The following SUN2 variants were observed in gnomAD, a reference collection of about 807,000 sequenced individuals.
SUN2 encodes the protein Sad1 and UNC84 domain containing 2.
A neutral mutation model predicts 100.0 loss-of-function variants in SUN2; 60 were observed. That is an observed-to-expected ratio of 0.60 (90% CI 0.49 to 0.74). SUN2 has a LOEUF of 0.74. Among genes scored for constraint, SUN2 ranks in the 30% least tolerant of loss-of-function variants. The pLI is 0.00. For synonymous variants in SUN2, 367 were observed against 403.3 expected (o/e 0.91, Z 1.08); for missense variants, 834 against 954.6 (o/e 0.87, Z 1.66).
rs552264787 is a variant in SUN2, at chr22:38,737,392, G to A, written c.2040+781C>T. Among the ~76,000 whole-genome samples the A allele has an allele frequency of 6.6e-6, 1 of 151,860 alleles. No homozygotes were observed. Among genetic ancestry groups the A allele is most frequent in the African/African-American group, 2.4e-5 (1 of 41,388 alleles). The stretch of plus-strand genomic sequence containing the variant: ...CTACGTCTTTGTCCTCACTCCCAAC[G>A]CCCCTCTCCCCCACCTATCCTGTTC... On this transcript the variant is annotated intron_variant, in intron 17 of 17. Transcript: ENST00000689035. The surrounding 1 kb of genome is among the most constrained non-coding windows in gnomAD (Gnocchi z 4.1).
At chr22:38,741,808 A>G (rs1166996015) in intron 9 of SUN2, among the ~76,000 whole-genome samples, 4 of 152,182 alleles carry the variant, frequency 2.6e-5, no homozygotes, top group Non-Finnish European at 5.9e-5. Context: ...TGGGGGAGAC[A>G]CGATGGCCTC....
rs1465967217 is a variant in SUN2 at position 38,736,089 on chromosome 22, A to C, written c.*178T>G. 1 of 685,226 alleles carries C rather than the reference A, an allele frequency of 1.5e-6. No individual in the cohort carries two copies. Among genetic ancestry groups the C allele is most frequent in the Non-Finnish European group, 2.7e-6 (1 of 372,338 alleles). 42.4% of individuals were successfully genotyped at this position (685,226 alleles called of 1,614,324 possible). A position where few individuals can be genotyped will look rare whatever the true frequency, so the allele number is the denominator to read the frequency against. ...AAGAAGGGAGCTGCTGGAGCCTGCT[A>C]ACCGCCTCGAGCCACCTGCTGCTCA... On this transcript the variant is annotated 3_prime_UTR_variant, in exon 18 of 18. Transcript: ENST00000689035.
intron 6 of SUN2, among the ~76,000 whole-genome samples, chr22:38,749,565 C>T (rs1316712946): frequency 6.6e-6 from 1 of 152,128 alleles, no homozygotes; most frequent in Non-Finnish European, 1.5e-5. Context: ...GCTATCAATT[C>T]GGGGAGAAGA....
Position 38,735,330 on chromosome 22 carries a change from G to A in SUN2, c.*937C>T. The A allele has an allele frequency of 2.3e-6, 1 of 435,988 alleles. No homozygotes were observed. The highest frequency in any genetic ancestry group is 1.6e-5 in the South Asian group (1 of 62,240). The allele number at this position is 435,988 out of a possible 1,614,324, so 27.0% of individuals were successfully genotyped here. ...GGCCTGGTTAGATGTGGGGGCCGGTGCAGACAGACCTCGCACCCCGATACC... is the reference window on the plus strand; with the variant it reads ...GGCCTGGTTAGATGTGGGGGCCGGTACAGACAGACCTCGCACCCCGATACC... On this transcript the variant is annotated 3_prime_UTR_variant, in exon 18 of 18. Transcript: ENST00000689035.
At chr22:38,743,341 C>T (rs2092875607) in intron 8 of SUN2, among the ~76,000 whole-genome samples, 1 of 152,226 alleles carries the variant, frequency 6.6e-6, no homozygotes, top group Non-Finnish European at 1.5e-5. Flanking sequence ...AATCCCAACA[C>T]TTTGGGAGGC....
Position 38,740,433 on chromosome 22 carries a change from CTGG to C in SUN2, c.1191-4_1191-2del. On this transcript the variant is annotated splice_acceptor_variant and splice_polypyrimidine_tract_variant and intron_variant, in intron 11 of 17. Coordinates refer to ENST00000689035, the MANE Select transcript of SUN2 (RefSeq NM_015374.3). LOFTEE classifies it high-confidence loss of function. The surrounding 1 kb of genome is among the most constrained non-coding windows in gnomAD (Gnocchi z 4.8). ...CTCCTGGAAGGACTCCTGGGTCATG[CTGG>C]TCCCAGAGAGAGAAGAGTAAGCCTC... is the stretch of plus-strand genomic sequence containing the variant. 6.6e-7 allele frequency: 1 copy of C among 1,504,828 alleles called. No homozygotes were observed. The allele number at this position is 1,504,828 out of a possible 1,614,324, so 93.2% of individuals were successfully genotyped here. A position where few individuals can be genotyped will look rare whatever the true frequency, so the allele number is the denominator to read the frequency against.
intron 8 of SUN2, chr22:38,745,190 A>G (rs764371019): frequency 2.1e-6 from 1 of 471,120 alleles, no homozygotes. Flanking sequence ...CCGGGTGAGC[A>G]AAGTGCACAT....
chr22:38,740,060 G>A lies in SUN2; in HGVS notation c.1357-117C>T, dbSNP rs563523746. 2.6e-5 allele frequency: 34 copies of A among 1,308,264 alleles called. No individual in the cohort carries two copies. Among genetic ancestry groups the A allele is most frequent in the African/African-American group, 1.3e-4 (9 of 68,114 alleles). 81.0% of individuals were successfully genotyped at this position (1,308,264 alleles called of 1,614,324 possible). A position where few individuals can be genotyped will look rare whatever the true frequency, so the allele number is the denominator to read the frequency against. On this transcript the variant is annotated intron_variant, in intron 12 of 17. Transcript: ENST00000689035. This position sits in a 1 kb window ranked among gnomAD's most constrained non-coding sequence, Gnocchi z 4.8. ...ATAGGGTAGGAGGGAGGCCACTGGAGGAAAGAGTTATGAACACTCCATGGG... is the reference window on the plus strand; with the variant it reads ...ATAGGGTAGGAGGGAGGCCACTGGAAGAAAGAGTTATGAACACTCCATGGG...
rs115054215 is a variant in SUN2 at position 38,746,338 on chromosome 22, C to G, written c.686-527G>C. On this transcript the variant is annotated intron_variant, in intron 7 of 17. Coordinates refer to ENST00000689035, the MANE Select transcript of SUN2 (RefSeq NM_015374.3). ...CCTCTAAGAGAGGCTGCTCGAGGCC[C>G]AGACACGAGCACCAAGCTGCAGCCA... is the stretch of plus-strand genomic sequence containing the variant. 9.0e-3 allele frequency among the ~76,000 whole-genome samples: 1,378 copies of G among 152,276 alleles called. 25 individuals are homozygous for G. The highest frequency in any genetic ancestry group is 0.032 in the African/African-American group (1,316 of 41,542).
At chr22:38,749,287 C>T (rs2092926005) in intron 6 of SUN2, among the ~76,000 whole-genome samples, 1 of 152,144 alleles carries the variant, frequency 6.6e-6, no homozygotes, top group African/African-American at 2.4e-5. Context: ...GGTTTAGGGA[C>T]TTGGGGAATG....
Position 38,751,161 on chromosome 22 carries a change from G to A in SUN2, c.286+49C>T, listed in dbSNP as rs143349576. 8.8e-5 allele frequency: 141 copies of A among 1,604,272 alleles called. No individual in the cohort carries two copies. In the Admixed American group the frequency reaches 2.0e-3, roughly 23 times the overall value. On this transcript the variant is annotated intron_variant, in intron 3 of 17. Coordinates refer to ENST00000689035, the MANE Select transcript of SUN2 (RefSeq NM_015374.3). Reference sequence around the variant, plus strand: ...CAGGGGACACTGTGAGGAGTATCTCGCGGGAGGCCGAGGAAGCAAAGCCCC... The same window carrying A: ...CAGGGGACACTGTGAGGAGTATCTCACGGGAGGCCGAGGAAGCAAAGCCCC...
In SUN2 at chr22:38,752,558, C is replaced by G. The variant is rs754436357; in HGVS notation, c.71G>C (p.Gly24Ala). 4 of 1,614,012 alleles carry G rather than the reference C, an allele frequency of 2.5e-6. No homozygotes were observed. In the East Asian group the frequency reaches 8.9e-5, roughly 36 times the overall value. ...GCTCTGACTCCCAGCCACCGAGCTC[C>G]CTCCGCTGCTGCTGCTGCCGTCATC... is the stretch of plus-strand genomic sequence containing the variant. ...GDDDGSSSSG[G>A]SSVAGSQSTL... The change falls in exon 2 of 18, where the codon GGG becomes GCG. Residue 24 changes from glycine (G) to alanine (A), a missense_variant. By Grantham distance (60) the Gly-to-Ala change is moderately conservative (BLOSUM62 0). This residue lies in a region of SUN2 where 559 missense variants were observed against 597.7 expected (regional missense o/e 0.94). Transcript: ENST00000689035.
chr22:38,750,958 T>G lies in SUN2; in HGVS notation c.364A>C (p.Lys122Gln), dbSNP rs746753110. The change falls in exon 4 of 18, where the codon AAG becomes CAG. Residue 122 changes from lysine (K) to glutamine (Q), a missense_variant. Physicochemically the swap from Lys to Gln is moderately conservative, Grantham distance 53. Transcript: ENST00000689035. The stretch of plus-strand genomic sequence containing the variant: ...GAGCCCAGGAAGTCCTCGGTGGCCT[T>G]GCGCCCCACAAGCCCGCTGGCCCTG... Reference protein sequence around the residue: ...SSRASGLVGRKATEDFLGSSS... With the variant: ...SSRASGLVGRQATEDFLGSSS... The G allele has an allele frequency of 1.2e-6, 2 of 1,613,902 alleles. No homozygotes were observed. Among genetic ancestry groups the G allele is most frequent in the Non-Finnish European group, 1.7e-6 (2 of 1,180,000 alleles).
At chr22:38,748,855 C>G (rs2092923464) in intron 6 of SUN2, 72 bp from the exon 7 acceptor site, 1 of 1,460,938 alleles carries the variant, frequency 6.8e-7, no homozygotes, top group Non-Finnish European at 9.6e-7. Flanking sequence ...ACGTTCCACC[C>G]AGGGAGTACC....
Position 38,738,929 on chromosome 22 carries a change from TGAG to T in SUN2, c.1720_1722del (p.Leu574del), listed in dbSNP as rs762748815. 5 of 1,613,276 alleles carry T rather than the reference TGAG, an allele frequency of 3.1e-6. No individual in the cohort carries two copies. Among genetic ancestry groups the T allele is most frequent in the African/African-American group, 2.7e-5 (2 of 74,856 alleles). On this transcript the variant is annotated inframe_deletion, in exon 15 of 18. Coordinates refer to ENST00000689035, the MANE Select transcript of SUN2 (RefSeq NM_015374.3). The surrounding 1 kb of genome is among the most constrained non-coding windows in gnomAD (Gnocchi z 6.6). ...TACCACAGGGGGATGCCGAAGAGGC[TGAG>T]GAGGGCCGTCTTGGTCTCGTAGGTC... is the stretch of plus-strand genomic sequence containing the variant.
rs1010902420 is a variant in SUN2 at position 38,738,921 on chromosome 22, G to A, written c.1731C>T (p.Phe577=). 1.4e-5 allele frequency: 23 copies of A among 1,612,472 alleles called. No individual in the cohort carries two copies. Among genetic ancestry groups the A allele is most frequent in the East Asian group, 4.5e-5 (2 of 44,842 alleles). The change falls in exon 15 of 18, where the codon TTC becomes TTT. Residue 577 remains phenylalanine (F), a synonymous_variant. Transcript: ENST00000689035. The surrounding 1 kb of genome is among the most constrained non-coding windows in gnomAD (Gnocchi z 6.6). ...GGGAGTGGTACCACAGGGGGATGCC[G>A]AAGAGGCTGAGGAGGGCCGTCTTGG... ...YETKTALLSL[F]GIPLWYHSQS... is the part of the protein sequence containing the mutation.
chr22:38,736,719 C>G, intron 17 of SUN2: 1 of 197,468 alleles, frequency 5.1e-6, no homozygotes, highest in Non-Finnish European at 1.0e-5. Context: ...TCTCCAGTGC[C>G]CATCGGGCCT....
At position 38,739,741 on chromosome 22, in the gene SUN2, A is replaced by G. The variant is rs1335089782; in HGVS notation, c.1559T>C (p.Val520Ala). The G allele has an allele frequency of 3.1e-6, 5 of 1,613,554 alleles. No individual in the cohort carries two copies. The South Asian group carries it at 4.4e-5, about 14-fold the overall frequency. Residue 520 changes from valine to alanine, a missense_variant, in exon 13 of 18, where the codon GTG (valine) becomes GCG (alanine). Val to Ala is a moderately conservative substitution (Grantham distance 64). This residue lies in a region of SUN2 where 195 missense variants were observed against 280.2 expected (regional missense o/e 0.70). Transcript: ENST00000689035. The surrounding 1 kb of genome is among the most constrained non-coding windows in gnomAD (Gnocchi z 6.7). ...CCTCACCTCCTCTGTCACTCCAATC[A>G]CACCTTCTTTCTGCAGCGTCAGGCT... is the stretch of plus-strand genomic sequence containing the variant. ...SLSLTLQKEG[V>A]IGVTEEQVHH...
chr22:38,742,482 G>C lies in SUN2; in HGVS notation c.887C>G (p.Ser296Cys), dbSNP rs898762503. The C allele has an allele frequency of 6.2e-7, 1 of 1,613,626 alleles. No homozygotes were observed. The highest frequency in any genetic ancestry group is 1.3e-5 in the African/African-American group (1 of 75,058). The change falls in exon 9 of 18, where the codon TCC becomes TGC. Residue 296 changes from serine (S) to cysteine (C), a missense_variant. Around this residue, in one of 3 missense-constraint regions of SUN2, gnomAD observed 559 missense variants for 597.7 expected, o/e 0.94. Transcript: ENST00000689035. ...CCGCATGGCCTCCTTCTGCCAGTTG[G>C]AGGAAAATTCAGCAGCAAGAGCTTC... ...RLEALAAEFS[S>C]NWQKEAMRLE...
Sources: gnomAD v4.1 joint callset for allele counts (sites outside exome capture counted in the v4.1 genomes callset) on GRCh38, gnomAD v4.1.1 for gene constraint, gnomAD v4.1.1 regional missense constraint, Gnocchi (gnomAD v3.1) non-coding constraint, MANE v1.5 for transcripts, NCBI Gene and HGNC (gene_info 2026-07-23, HGNC 2026-07-21) for gene names.